Variants in GMDS observed in about 807,000 individuals in gnomAD.
GMDS encodes the protein GDP-mannose 4,6-dehydratase.
GMDS carries 20 observed loss-of-function variants against 49.9 expected under a neutral mutation model. The observed-to-expected ratio is 0.40, with a 90% confidence interval of 0.28 to 0.58. The LOEUF (loss-of-function observed/expected upper bound fraction) is 0.58, where lower values mean the gene tolerates loss of function less well. Among genes scored for constraint, GMDS ranks in the 20% least tolerant of loss-of-function variants. The pLI, the probability that GMDS is intolerant of heterozygous loss-of-function variation, is 0.42. For missense variants in GMDS, 362 were observed against 481.4 expected, an observed-to-expected ratio of 0.75 and a Z score of 2.32; for synonymous variants, 177 against 178.6, an observed-to-expected ratio of 0.99 and a Z score of 0.07.
chr6:1,634,818 G>A (rs1439612888), intron 9 of GMDS, among the ~76,000 whole-genome samples: 2 of 152,178 alleles, frequency 1.3e-5, no homozygotes, highest in African/African-American at 4.8e-5. Flanking sequence ...TGGACACGAG[G>A]GGTGGGGAGG....
intron 7 of GMDS, among the ~76,000 whole-genome samples, chr6:1,772,410 C>T (rs1045710343): frequency 6.6e-6 from 1 of 152,194 alleles, no homozygotes; most frequent in Admixed American, 6.5e-5. Flanking sequence ...TTTGAATCTG[C>T]ACATAAAGAG....
At chr6:1,632,937 A>T (rs1763041497) in intron 9 of GMDS, among the ~76,000 whole-genome samples, 1 of 152,190 alleles carries the variant, frequency 6.6e-6, no homozygotes, top group South Asian at 2.1e-4. Context: ...AGAGACCTGG[A>T]ATCACAACGT....
chr6:1,922,046 A>G (rs1581365712), intron 7 of GMDS, among the ~76,000 whole-genome samples: 1 of 152,358 alleles, frequency 6.6e-6, no homozygotes. Flanking sequence ...ATATGGAATT[A>G]GACTCCCACA....
At chr6:1,724,512 T>G (rs548688102) in intron 9 of GMDS, among the ~76,000 whole-genome samples, 1 of 152,298 alleles carries the variant, frequency 6.6e-6, no homozygotes, top group Non-Finnish European at 1.5e-5. Flanking sequence ...ACTTCCTAGC[T>G]TTTGAAACTA....
At chr6:2,017,262 C>T (rs972233767) in intron 4 of GMDS, among the ~76,000 whole-genome samples, 3 of 151,760 alleles carry the variant, frequency 2.0e-5, no homozygotes, top group Non-Finnish European at 4.4e-5. Context: ...GCAGATCTTA[C>T]AAATATTAAA....
At chr6:1,866,305 CA>C (rs1233059635) in intron 7 of GMDS, among the ~76,000 whole-genome samples, 4 of 152,124 alleles carry the variant, frequency 2.6e-5, no homozygotes, top group Non-Finnish European at 5.9e-5. Context: ...CTGCAGAGAA[CA>C]AAGATTTTAT....
At position 1,627,390 on chromosome 6, in the gene GMDS, G is replaced by C. The variant is rs561444208; in HGVS notation, c.988-2850C>G. ...ATGTGGATTCCCTTCCTTAAATAAG[G>C]CTTCCTCTGGGCTGAGAAGGAATTA... is the stretch of plus-strand genomic sequence containing the variant. On this transcript the variant is annotated intron_variant, in intron 9 of 10. Coordinates refer to ENST00000380815, the MANE Select transcript of GMDS (RefSeq NM_001500.4). Among the ~76,000 whole-genome samples, 6 of 152,294 alleles carry C rather than the reference G, an allele frequency of 3.9e-5. No individual in the cohort carries two copies. The South Asian group carries it at 1.2e-3, about 32-fold the overall frequency.
intron 9 of GMDS, among the ~76,000 whole-genome samples, chr6:1,683,185 G>T (rs1324155727): frequency 6.6e-6 from 1 of 152,130 alleles, no homozygotes; most frequent in Non-Finnish European, 1.5e-5. Flanking sequence ...GTGCAGTGGT[G>T]CAATCTCGGC....
intron 4 of GMDS, among the ~76,000 whole-genome samples, chr6:1,969,854 CTTGTA>C (rs544354187): frequency 2.6e-4 from 39 of 152,314 alleles, no homozygotes; most frequent in Admixed American, 1.0e-3. Context: ...GTTTAGTGAG[CTTGTA>C]AGCTCCATGA....
chr6:1,780,564 C>T (rs972013401), intron 7 of GMDS, among the ~76,000 whole-genome samples: 10 of 152,318 alleles, frequency 6.6e-5, no homozygotes, highest in Non-Finnish European at 1.3e-4. Flanking sequence ...CTCTCCTTCC[C>T]CTCCTGCTTC....
intron 6 of GMDS, among the ~76,000 whole-genome samples, chr6:1,941,822 C>T (rs1172309330): frequency 1.3e-5 from 2 of 152,170 alleles, no homozygotes; most frequent in Non-Finnish European, 2.9e-5. Context: ...CTCCAGGGCA[C>T]AGGAGAGCAG....
chr6:1,681,009 A>G (rs1383382868), intron 9 of GMDS, among the ~76,000 whole-genome samples: 1 of 152,140 alleles, frequency 6.6e-6, no homozygotes, highest in Non-Finnish European at 1.5e-5. Flanking sequence ...GAGGATAAAA[A>G]GAAAGAAGTA....
chr6:1,740,458 G>A (rs1767225633), intron 8 of GMDS, among the ~76,000 whole-genome samples: 1 of 151,934 alleles, frequency 6.6e-6, no homozygotes, highest in Admixed American at 6.5e-5. Context: ...TTGGGAGGCT[G>A]AGGCAGGAGA....
At chr6:2,063,189 A>G (rs1227702001) in intron 4 of GMDS, among the ~76,000 whole-genome samples, 1 of 152,248 alleles carries the variant, frequency 6.6e-6, no homozygotes, top group East Asian at 1.9e-4. Context: ...AGTAAGAAAA[A>G]AAGATAAATC....
intron 4 of GMDS, among the ~76,000 whole-genome samples, chr6:2,115,190 C>A (rs1046568225): frequency 3.9e-5 from 6 of 152,140 alleles, no homozygotes; most frequent in South Asian, 2.1e-4. Flanking sequence ...TAAGGATGGG[C>A]CTGTGATGTT....
intron 1 of GMDS, among the ~76,000 whole-genome samples, chr6:2,221,533 C>G (rs1355881362): frequency 1.3e-5 from 2 of 152,126 alleles, no homozygotes; most frequent in Non-Finnish European, 2.9e-5. Context: ...GGACTACAGG[C>G]ACCCGCCACC....
intron 4 of GMDS, among the ~76,000 whole-genome samples, chr6:2,064,777 C>A (rs1054695720): frequency 4.6e-5 from 7 of 152,102 alleles, no homozygotes; most frequent in Admixed American, 3.9e-4. Flanking sequence ...AGGCTGATTT[C>A]GTATGAGCTG....
In GMDS at chr6:2,191,237, C is replaced by T. The variant is rs954600077; in HGVS notation, c.102+54084G>A. ...GACACTCCCGACCCGCTATCCGCTC[C>T]TGGAGGCACCCCCTGGGGAAGGGCC... On this transcript the variant is annotated intron_variant, in intron 1 of 10. Coordinates refer to ENST00000380815, the MANE Select transcript of GMDS (RefSeq NM_001500.4). The surrounding 1 kb of genome is among the most constrained non-coding windows in gnomAD (Gnocchi z 4.6). 6.6e-6 allele frequency among the ~76,000 whole-genome samples: 1 copy of T among 152,172 alleles called. No individual in the cohort carries two copies. The highest frequency in any genetic ancestry group is 2.4e-5 in the African/African-American group (1 of 41,442).
At chr6:1,816,870 T>G (rs1275221032) in intron 7 of GMDS, among the ~76,000 whole-genome samples, 2 of 151,608 alleles carry the variant, frequency 1.3e-5, no homozygotes, top group African/African-American at 4.9e-5. Context: ...GATAGGAGTT[T>G]CAATGGAAGG....
Sources: allele counts gnomAD v4.1 joint callset (sites outside exome capture counted in the v4.1 genomes callset), GRCh38; gene constraint gnomAD v4.1.1; non-coding constraint Gnocchi (gnomAD v3.1); transcripts MANE v1.5; gene names NCBI Gene and HGNC (gene_info 2026-07-23, HGNC 2026-07-21).